PRKN: variants seen among roughly 807,000 people sequenced by gnomAD.
The protein encoded by PRKN is E3 ubiquitin-protein ligase parkin.
A neutral mutation model predicts 59.5 loss-of-function variants in PRKN; 56 were observed. That is an observed-to-expected ratio of 0.94 (90% confidence interval 0.76 to 1.18). PRKN has a LOEUF of 1.18. Among genes scored for constraint, PRKN ranks in the 50% most tolerant of loss-of-function variants. The pLI is 0.00. For missense variants in PRKN, 657 were observed against 596.4 expected, an observed-to-expected ratio of 1.10 and a Z score of -1.06; for synonymous variants, 250 against 222.1, an observed-to-expected ratio of 1.13 and a Z score of -1.12.
At chr6:162,404,492 T>C (rs544640327) in intron 2 of PRKN, among the ~76,000 whole-genome samples, 1 of 152,296 alleles carries the variant, frequency 6.6e-6, no homozygotes, top group African/African-American at 2.4e-5. Flanking sequence ...CCTGTGAGCA[T>C]GTCCTTTAGG....
chr6:161,975,631 C>T (rs1169295255), intron 5 of PRKN, among the ~76,000 whole-genome samples: 4 of 152,090 alleles, frequency 2.6e-5, no homozygotes, highest in Non-Finnish European at 2.9e-5. Flanking sequence ...GGGGCACGGA[C>T]TTGCTAAACC....
intron 5 of PRKN, among the ~76,000 whole-genome samples, chr6:162,049,473 G>T (rs975432596): frequency 2.0e-5 from 3 of 152,136 alleles, no homozygotes; most frequent in African/African-American, 7.2e-5. Flanking sequence ...CATGGTTAGT[G>T]CTCAAACCTT....
At chr6:162,205,707 T>A (rs571570592) in intron 3 of PRKN, among the ~76,000 whole-genome samples, 1 of 152,224 alleles carries the variant, frequency 6.6e-6, no homozygotes, top group South Asian at 2.1e-4. Flanking sequence ...ATGAAAATGT[T>A]CTCCATTTGC....
chr6:162,327,414 A>G (rs1783343969), intron 2 of PRKN, among the ~76,000 whole-genome samples: 1 of 152,206 alleles, frequency 6.6e-6, no homozygotes, highest in Non-Finnish European at 1.5e-5. Context: ...CACAAAATCC[A>G]AGAAAGAAGA....
chr6:162,609,785 C>T (rs1039129751), intron 1 of PRKN, among the ~76,000 whole-genome samples: 25 of 152,124 alleles, frequency 1.6e-4, no homozygotes, highest in Admixed American at 1.2e-3. Flanking sequence ...TCTTATTTAT[C>T]TTTGTGTAAT....
intron 5 of PRKN, among the ~76,000 whole-genome samples, chr6:162,027,778 C>T (rs948461889): frequency 2.0e-5 from 3 of 151,718 alleles, no homozygotes; most frequent in Non-Finnish European, 4.4e-5. Flanking sequence ...CAGATCTTAG[C>T]ACAGTTGCTG....
At chr6:162,353,598 A>G (rs933329633) in intron 2 of PRKN, among the ~76,000 whole-genome samples, 7 of 152,252 alleles carry the variant, frequency 4.6e-5, no homozygotes, top group Admixed American at 4.6e-4. Context: ...TGAATAATAC[A>G]CAATCTGCAA....
At chr6:161,690,549 G>C (rs939767905) in intron 7 of PRKN, among the ~76,000 whole-genome samples, 1 of 152,152 alleles carries the variant, frequency 6.6e-6, no homozygotes, top group African/African-American at 2.4e-5. Context: ...CCAGATATCT[G>C]GCTAAACATT....
Position 161,484,604 on chromosome 6 carries a change from A to C in PRKN, c.1083+64250T>G, listed in dbSNP as rs572699554. Among the ~76,000 whole-genome samples the C allele has an allele frequency of 2.6e-5, 4 of 152,162 alleles. No individual in the cohort carries two copies. Among genetic ancestry groups the C allele is most frequent in the African/African-American group, 9.7e-5 (4 of 41,444 alleles). ...GCAAGCTGTGGGTACGGACGGCATC[A>C]GAACTAAACGCAGGGAGTCTGACTC... On this transcript the variant is annotated intron_variant, in intron 9 of 11. Coordinates refer to ENST00000366898, the MANE Select transcript of PRKN (RefSeq NM_004562.3). The surrounding 1 kb of genome is among the most constrained non-coding windows in gnomAD (Gnocchi z 4.9).
chr6:161,381,098 A>C (rs929102496), intron 10 of PRKN, among the ~76,000 whole-genome samples: 17 of 152,240 alleles, frequency 1.1e-4, no homozygotes, highest in Non-Finnish European at 2.2e-4. Flanking sequence ...CATCCTTATC[A>C]AAATATTGAC....
chr6:161,699,351 C>T (rs561328560), intron 7 of PRKN, among the ~76,000 whole-genome samples: 1 of 151,994 alleles, frequency 6.6e-6, no homozygotes, highest in Non-Finnish European at 1.5e-5. Flanking sequence ...AGTATTTACC[C>T]AATAGAAATT....
At chr6:162,605,771 T>C (rs1417416907) in intron 1 of PRKN, among the ~76,000 whole-genome samples, 1 of 152,178 alleles carries the variant, frequency 6.6e-6, no homozygotes, top group Non-Finnish European at 1.5e-5. Flanking sequence ...TATATTCATA[T>C]CACGTGGCCT....
At chr6:162,298,850 G>C (rs1781813344) in intron 2 of PRKN, among the ~76,000 whole-genome samples, 1 of 152,246 alleles carries the variant, frequency 6.6e-6, no homozygotes, top group African/African-American at 2.4e-5. Context: ...TGGAGGAGGG[G>C]AGGGCTGGAA....
In PRKN at chr6:162,262,763, A is replaced by G. The variant is rs536687809; in HGVS notation, c.174T>C (p.Asn58=). 6.3e-6 allele frequency: 10 copies of G among 1,598,944 alleles called. No individual in the cohort carries two copies. The South Asian group carries it at 6.6e-5, about 11-fold the overall frequency. ...CAATGCTCTGCTGATCCAGGTCACAATTCTGTTTGGGAGCAAGGTAAAAAA... is the reference window on the plus strand; with the variant it reads ...CAATGCTCTGCTGATCCAGGTCACAGTTCTGTTTGGGAGCAAGGTAAAAAA... The part of the protein sequence containing the change: ...KELRNDWTVQ[N]CDLDQQSIVH... The change falls in exon 3 of 12, where the codon AAT becomes AAC. Residue 58 remains asparagine, a splice_region_variant and synonymous_variant. Coordinates refer to ENST00000366898, the MANE Select transcript of PRKN (RefSeq NM_004562.3).
intron 7 of PRKN, among the ~76,000 whole-genome samples, chr6:161,594,984 G>T (rs1375384258): frequency 6.6e-6 from 1 of 152,160 alleles, no homozygotes; most frequent in Non-Finnish European, 1.5e-5. Context: ...GGTTGGGGGG[G>T]TCCCCAAGAA....
chr6:161,956,589 C>A (rs1562417315), intron 6 of PRKN, among the ~76,000 whole-genome samples: 1 of 151,972 alleles, frequency 6.6e-6, no homozygotes, highest in South Asian at 2.1e-4. Flanking sequence ...AAGGATAGTT[C>A]CATCCATCTA....
At chr6:162,204,570 T>A (rs947980326) in intron 3 of PRKN, among the ~76,000 whole-genome samples, 2 of 152,220 alleles carry the variant, frequency 1.3e-5, no homozygotes. Flanking sequence ...CAAATTCTCC[T>A]GGATATCTGC....
intron 2 of PRKN, among the ~76,000 whole-genome samples, chr6:162,297,434 A>C (rs990037436): frequency 6.6e-6 from 1 of 151,754 alleles, no homozygotes; most frequent in African/African-American, 2.4e-5. Flanking sequence ...TCTGGCACAA[A>C]GAAGGAAAAA....
chr6:162,302,065 T>G (rs909547601), intron 2 of PRKN, among the ~76,000 whole-genome samples: 6 of 152,170 alleles, frequency 3.9e-5, no homozygotes, highest in Non-Finnish European at 8.8e-5. Context: ...TTGAACTACT[T>G]TTCACTATTC....
Sources: gnomAD v4.1 joint callset for allele counts (sites outside exome capture counted in the v4.1 genomes callset) on GRCh38, gnomAD v4.1.1 for gene constraint, Gnocchi (gnomAD v3.1) non-coding constraint, MANE v1.5 for transcripts, NCBI Gene and HGNC (gene_info 2026-07-23, HGNC 2026-07-21) for gene names.